The following ROBO2 variants were observed in gnomAD, a reference collection of about 807,000 sequenced individuals.
The protein encoded by ROBO2 is roundabout homolog 2.
ROBO2 carries 53 observed loss-of-function variants against 160.8 expected under a neutral mutation model. The ratio of observed to expected loss-of-function variants is 0.33; its 90% CI spans 0.26 to 0.41. ROBO2 has a LOEUF of 0.41. ROBO2 is among the 10% of genes least tolerant of loss of function. The probability of loss-of-function intolerance (pLI) is 1.00; values close to 1 mark genes in which losing one functional copy is unlikely to be tolerated. For synonymous variants in ROBO2, 664 were observed against 611.7 expected (o/e 1.09, Z -1.26); for missense variants, 1,577 against 1,722.4 (o/e 0.92, Z 1.49).
At chr3:77,520,014 C>T (rs568869278) in intron 5 of ROBO2, among the ~76,000 whole-genome samples, 1 of 151,308 alleles carries the variant, frequency 6.6e-6, no homozygotes, top group Non-Finnish European at 1.5e-5. Context: ...TTTTGATTTG[C>T]AGTTCTCTGA....
At chr3:76,345,640 T>A (rs1190922894) in intron 2 of ROBO2, among the ~76,000 whole-genome samples, 1 of 151,902 alleles carries the variant, frequency 6.6e-6, no homozygotes, top group South Asian at 2.1e-4. Context: ...CCTTCCTAGT[T>A]TTGTAGGAGA....
At chr3:77,146,659 C>T (rs906585251) in intron 2 of ROBO2, among the ~76,000 whole-genome samples, 6 of 149,682 alleles carry the variant, frequency 4.0e-5, no homozygotes, top group East Asian at 4.1e-4. Context: ...TTCAGGTATG[C>T]GTACAGGTGT....
Position 77,300,418 on chromosome 3 carries a change from C to T in ROBO2, c.389-176996C>T, listed in dbSNP as rs187352422. ...CCCAAACAGACAGTTACTCCTATAACGACATTGAGTAAAATGTAGAGAGCA... is the reference window on the plus strand; with the variant it reads ...CCCAAACAGACAGTTACTCCTATAATGACATTGAGTAAAATGTAGAGAGCA... On this transcript the variant is annotated intron_variant, in intron 2 of 25. Coordinates refer to ENST00000461745, the Ensembl canonical transcript of ROBO2. 4.0e-3 allele frequency among the ~76,000 whole-genome samples: 601 copies of T among 152,120 alleles called. 6 individuals are homozygous for T. The highest frequency in any genetic ancestry group is 7.0e-3 in the Admixed American group (107 of 15,266).
At position 77,219,489 on chromosome 3, in the gene ROBO2, G is replaced by GTGTA. The variant is rs2085479710; in HGVS notation, c.388+121150_388+121151insGTAT. Among the ~76,000 whole-genome samples the GTGTA allele has an allele frequency of 3.6e-5, 4 of 111,474 alleles. 1 individual carries two copies. The highest frequency in any genetic ancestry group is 7.4e-5 in the Non-Finnish European group (4 of 53,724). 73.1% of individuals were successfully genotyped at this position (111,474 alleles called of 152,430 possible). A position where few individuals can be genotyped will look rare whatever the true frequency, so the allele number is the denominator to read the frequency against. The stretch of plus-strand genomic sequence containing the variant: ...CTGTGTATATATATATATATAATCT[G>GTGTA]TATATATATATATATATATATATAT... On this transcript the variant is annotated intron_variant, in intron 2 of 25. Coordinates refer to ENST00000461745, the Ensembl canonical transcript of ROBO2.
At chr3:77,243,621 C>A (rs2089337751) in intron 2 of ROBO2, among the ~76,000 whole-genome samples, 1 of 152,148 alleles carries the variant, frequency 6.6e-6, no homozygotes, top group African/African-American at 2.4e-5. Context: ...CAAAGCTGTG[C>A]AGTCATTGAA....
intron 20 of ROBO2, chr3:77,603,116 G>A (rs908452033): frequency 2.2e-6 from 1 of 455,772 alleles, no homozygotes; most frequent in Non-Finnish European, 4.4e-6. Flanking sequence ...TATGACCTGT[G>A]TTCCTAACAA....
chr3:76,175,641 C>T (rs1355084104), intron 2 of ROBO2, among the ~76,000 whole-genome samples: 1 of 152,058 alleles, frequency 6.6e-6, no homozygotes, highest in Non-Finnish European at 1.5e-5. Context: ...ATCCTTGCCT[C>T]TTGGATCTCT....
chr3:77,252,401 A>G (rs1244029011), intron 2 of ROBO2, among the ~76,000 whole-genome samples: 1 of 152,188 alleles, frequency 6.6e-6, no homozygotes, highest in East Asian at 1.9e-4. Context: ...TAAACAAACA[A>G]AAACAATTAC....
intron 2 of ROBO2, among the ~76,000 whole-genome samples, chr3:76,105,494 T>C (rs1482856688): frequency 6.6e-6 from 1 of 151,774 alleles, no homozygotes; most frequent in Non-Finnish European, 1.5e-5. Context: ...CTAGATGATA[T>C]ATTTATATTT....
chr3:77,240,332 GC>G (rs1196088195), intron 2 of ROBO2, among the ~76,000 whole-genome samples: 1 of 152,196 alleles, frequency 6.6e-6, no homozygotes, highest in Non-Finnish European at 1.5e-5. Context: ...TGGCCCAGGT[GC>G]TAAGCCCCTC....
intron 2 of ROBO2, among the ~76,000 whole-genome samples, chr3:76,866,716 GTTTAT>G (rs2071410045): frequency 6.6e-6 from 1 of 152,088 alleles, no homozygotes; most frequent in African/African-American, 2.4e-5. Context: ...GAAACTGGTA[GTTTAT>G]TTTATTTTAT....
intron 2 of ROBO2, among the ~76,000 whole-genome samples, chr3:77,123,996 T>G (rs2075073815): frequency 6.6e-6 from 1 of 150,964 alleles, no homozygotes; most frequent in South Asian, 2.1e-4. Context: ...TATGTATCTA[T>G]ATAGATATAT....
intron 2 of ROBO2, among the ~76,000 whole-genome samples, chr3:77,101,231 C>T (rs2071878800): frequency 6.6e-6 from 1 of 152,148 alleles, no homozygotes; most frequent in Admixed American, 6.5e-5. Flanking sequence ...CAGCTTGAAA[C>T]ATATTTAGGA....
At chr3:76,450,381 C>T (rs2077414822) in intron 2 of ROBO2, among the ~76,000 whole-genome samples, 1 of 152,054 alleles carries the variant, frequency 6.6e-6, no homozygotes. Context: ...AATTTATCTC[C>T]TCTTTTAATC....
At chr3:77,155,619 A>G (rs149974122) in intron 2 of ROBO2, among the ~76,000 whole-genome samples, 12 of 152,120 alleles carry the variant, frequency 7.9e-5, no homozygotes, top group African/African-American at 2.9e-4. Flanking sequence ...AATTGTAGCA[A>G]TTTGTTACAA....
chr3:77,360,281 G>A (rs925216673), intron 2 of ROBO2, among the ~76,000 whole-genome samples: 2 of 150,414 alleles, frequency 1.3e-5, no homozygotes, highest in Admixed American at 1.3e-4. Flanking sequence ...AAGCCCAGGA[G>A]GGATTTATTC....
chr3:75,929,313 G>C (rs530272551), intron 1 of ROBO2, among the ~76,000 whole-genome samples: 9 of 152,126 alleles, frequency 5.9e-5, no homozygotes, highest in African/African-American at 2.2e-4. Flanking sequence ...TGTGAAGAAA[G>C]GTGCTGTGCC....
intron 2 of ROBO2, among the ~76,000 whole-genome samples, chr3:76,119,872 C>T (rs1384443286): frequency 2.1e-5 from 3 of 141,554 alleles, no homozygotes; most frequent in Admixed American, 7.2e-5. Context: ...CCCTCCCCTT[C>T]CTTCCCTTCC....
intron 2 of ROBO2, among the ~76,000 whole-genome samples, chr3:76,279,073 CAT>C (rs1708091124): frequency 1.3e-5 from 2 of 151,476 alleles, no homozygotes; most frequent in African/African-American, 4.8e-5. Context: ...AATACAAACA[CAT>C]ATTTTAATTA....
Sources: allele counts gnomAD v4.1 joint callset (sites outside exome capture counted in the v4.1 genomes callset), GRCh38; gene constraint gnomAD v4.1.1; transcripts MANE v1.5; gene names NCBI Gene and HGNC (gene_info 2026-07-23, HGNC 2026-07-21).